GRM5: variants seen among roughly 807,000 people sequenced by gnomAD.
GRM5 encodes the protein metabotropic glutamate receptor 5.
GRM5 carries 19 observed loss-of-function variants against 83.1 expected under a neutral mutation model. The observed-to-expected ratio is 0.23, with a 90% CI of 0.16 to 0.34. The LOEUF is 0.34. GRM5 is among the 10% of genes least tolerant of loss of function. The probability of loss-of-function intolerance (pLI) is 1.00; values close to 1 mark genes in which losing one functional copy is unlikely to be tolerated. For missense variants in GRM5, 1,160 were observed against 1,588.3 expected, an observed-to-expected ratio of 0.73 and a Z score of 4.58; for synonymous variants, 675 against 633.6, an observed-to-expected ratio of 1.07 and a Z score of -0.98.
chr11:88,700,114 G>A (rs1940994364), intron 3 of GRM5, among the ~76,000 whole-genome samples: 1 of 152,124 alleles, frequency 6.6e-6, no homozygotes, highest in Non-Finnish European at 1.5e-5. Flanking sequence ...TGAATGGCTT[G>A]GCTGATTGAT....
intron 2 of GRM5, among the ~76,000 whole-genome samples, chr11:88,928,730 T>A (rs1371216490): frequency 6.6e-6 from 1 of 152,038 alleles, no homozygotes; most frequent in Non-Finnish European, 1.5e-5. Context: ...AGATATTTTA[T>A]TAAATATTCC....
chr11:88,890,893 G>A (rs913545967), intron 2 of GRM5, among the ~76,000 whole-genome samples: 5 of 152,110 alleles, frequency 3.3e-5, no homozygotes, highest in Non-Finnish European at 7.4e-5. Flanking sequence ...TAAAGGCAAG[G>A]TGTATAAAAA....
At chr11:88,685,855 T>C (rs1462622662) in intron 3 of GRM5, among the ~76,000 whole-genome samples, 1 of 152,118 alleles carries the variant, frequency 6.6e-6, no homozygotes, top group African/African-American at 2.4e-5. Context: ...AGAAGATGTA[T>C]AGAAATGCCT....
intron 2 of GRM5, among the ~76,000 whole-genome samples, chr11:88,988,236 A>G (rs12280326): frequency 0.017 from 2,567 of 152,260 alleles, 42 homozygotes; most frequent in East Asian, 0.073. Flanking sequence ...TAGCCGATGC[A>G]ATCAACTGGA....
At chr11:88,919,974 A>G (rs894367563) in intron 2 of GRM5, among the ~76,000 whole-genome samples, 5 of 152,078 alleles carry the variant, frequency 3.3e-5, no homozygotes, top group African/African-American at 1.2e-4. Context: ...AAAAAACCTA[A>G]TAACACATCT....
At chr11:88,783,343 T>C (rs1030301955) in intron 3 of GRM5, among the ~76,000 whole-genome samples, 2 of 152,144 alleles carry the variant, frequency 1.3e-5, no homozygotes, top group African/African-American at 4.8e-5. Context: ...ACTGTCCATA[T>C]ACATTATCAT....
At chr11:88,614,892 T>C (rs1441147051) in intron 4 of GRM5, among the ~76,000 whole-genome samples, 1 of 152,182 alleles carries the variant, frequency 6.6e-6, no homozygotes, top group Non-Finnish European at 1.5e-5. Context: ...TTGCTATTCA[T>C]TGGAAAGAAG....
intron 2 of GRM5, among the ~76,000 whole-genome samples, chr11:88,994,445 T>TTA (rs58154444): frequency 0.07 from 6,073 of 86,652 alleles, 151 homozygotes; most frequent in Non-Finnish European, 0.085. Context: ...CTTTAACTGA[T>TTA]TATATATATA....
chr11:88,729,604 T>C (rs1941761629), intron 3 of GRM5, among the ~76,000 whole-genome samples: 2 of 151,958 alleles, frequency 1.3e-5, no homozygotes, highest in Non-Finnish European at 2.9e-5. Flanking sequence ...AGCTGGAAAA[T>C]CATGCTACCT....
Position 88,506,286 on chromosome 11 carries a change from A to C in GRM5, c.*2306T>G, listed in dbSNP as rs890557368. The C allele has an allele frequency of 6.6e-6, 1 of 152,212 alleles. No individual in the cohort carries two copies. Among genetic ancestry groups the C allele is most frequent in the Non-Finnish European group, 1.5e-5 (1 of 68,030 alleles). 9.4% of individuals were successfully genotyped at this position (152,212 alleles called of 1,614,324 possible). On this transcript the variant is annotated 3_prime_UTR_variant, in exon 10 of 10. Transcript: ENST00000305447. The stretch of plus-strand genomic sequence containing the variant: ...TGAACAAAGTTTAAACATGTTCTTC[A>C]ACTGGTCTAGAGTGAAACGTATTGT...
At chr11:88,786,033 G>T (rs1049758937) in intron 3 of GRM5, among the ~76,000 whole-genome samples, 1 of 152,078 alleles carries the variant, frequency 6.6e-6, no homozygotes, top group Non-Finnish European at 1.5e-5. Context: ...TACATTTTCT[G>T]TTCTCTGCTT....
chr11:88,624,914 C>T (rs1348077951), intron 4 of GRM5, among the ~76,000 whole-genome samples: 3 of 152,052 alleles, frequency 2.0e-5, no homozygotes, highest in African/African-American at 7.2e-5. Context: ...TTTGATACAA[C>T]TAAGATGGTG....
At chr11:89,002,968 G>C (rs769767043) in intron 2 of GRM5, among the ~76,000 whole-genome samples, 3 of 149,148 alleles carry the variant, frequency 2.0e-5, no homozygotes, top group Non-Finnish European at 4.5e-5. Context: ...ACTTTTCTTA[G>C]TGTCCATCTT....
At chr11:88,524,345 G>C (rs1175443577) in intron 9 of GRM5, among the ~76,000 whole-genome samples, 1 of 151,538 alleles carries the variant, frequency 6.6e-6, no homozygotes, top group Non-Finnish European at 1.5e-5. Context: ...AGTCTCCTGA[G>C]TAGCTGGAAT....
intron 2 of GRM5, among the ~76,000 whole-genome samples, chr11:89,043,384 G>A (rs1487416035): frequency 3.3e-5 from 5 of 152,030 alleles, no homozygotes; most frequent in African/African-American, 1.2e-4. Context: ...AGTTGAACTA[G>A]ATCAAGGTAA....
intron 2 of GRM5, among the ~76,000 whole-genome samples, chr11:88,897,619 G>A (rs878896178): frequency 5.9e-5 from 9 of 151,804 alleles, no homozygotes; most frequent in Admixed American, 5.9e-4. Flanking sequence ...TTAGCTGAAA[G>A]AGGTGCTGCT....
chr11:88,719,336 T>C (rs1401218843), intron 3 of GRM5, among the ~76,000 whole-genome samples: 1 of 151,876 alleles, frequency 6.6e-6, no homozygotes, highest in Non-Finnish European at 1.5e-5. Flanking sequence ...TCTGTTCCTG[T>C]GTCTGCTGAG....
intron 1 of GRM5, chr11:89,063,405 A>G (rs1942037269): frequency 6.6e-6 from 1 of 152,262 alleles, no homozygotes; most frequent in African/African-American, 2.4e-5. Context: ...ACTATGAGCT[A>G]CTCAGCAAGC....
chr11:88,560,828 C>T (rs1332234596), intron 8 of GRM5, among the ~76,000 whole-genome samples: 1 of 152,144 alleles, frequency 6.6e-6, no homozygotes, highest in East Asian at 1.9e-4. Context: ...ATCCCGAGGG[C>T]CTAGCACAGT....
Sources: allele counts gnomAD v4.1 joint callset (sites outside exome capture counted in the v4.1 genomes callset), GRCh38; gene constraint gnomAD v4.1.1; transcripts MANE v1.5; gene names NCBI Gene and HGNC (gene_info 2026-07-23, HGNC 2026-07-21).